Variants in ZC3H3 observed in about 807,000 individuals in gnomAD.
ZC3H3 encodes zinc finger CCCH-type containing 3.
In ZC3H3, 36 loss-of-function variants were observed where a neutral mutation model predicts 77.3. The ratio of observed to expected loss-of-function variants is 0.47; its 90% CI spans 0.36 to 0.61. The LOEUF (loss-of-function observed/expected upper bound fraction) is 0.61. Among genes scored for constraint, ZC3H3 ranks in the 20% least tolerant of loss-of-function variants. The pLI, the probability that ZC3H3 is intolerant of heterozygous loss-of-function variation, is 0.00. For synonymous variants in ZC3H3, 626 were observed against 555.2 expected, an observed-to-expected ratio of 1.13 and a Z score of -1.79; for missense variants, 1,331 against 1,312.2, an observed-to-expected ratio of 1.01 and a Z score of -0.22.
Position 143,541,433 on chromosome 8 carries a change from G to C in ZC3H3, c.-12C>G. The C allele has an allele frequency of 6.2e-7, 1 of 1,611,464 alleles. No individual in the cohort carries two copies. Among genetic ancestry groups the C allele is most frequent in the African/African-American group, 1.3e-5 (1 of 74,790 alleles). The stretch of plus-strand genomic sequence containing the variant: ...TCCTTTTCCTCCATCTCCCGAGTCC[G>C]CGACGGCCGGCCAGGCCCCCACGAC... On this transcript the variant is annotated 5_prime_UTR_variant, in exon 1 of 12. Transcript: ENST00000262577.
chr8:143,457,956 C>A (rs1165948951), intron 9 of ZC3H3, among the ~76,000 whole-genome samples: 2 of 152,008 alleles, frequency 1.3e-5, no homozygotes, highest in African/African-American at 4.8e-5. Flanking sequence ...AAATAAACCA[C>A]AAGTAAGCAG....
At chr8:143,528,325 G>A (rs1424665730) in intron 3 of ZC3H3, among the ~76,000 whole-genome samples, 1 of 152,242 alleles carries the variant, frequency 6.6e-6, no homozygotes, top group Non-Finnish European at 1.5e-5. Flanking sequence ...AGGCGGCACT[G>A]CCGAGGCGCT....
At chr8:143,445,441 C>T (rs944884403) in intron 9 of ZC3H3, among the ~76,000 whole-genome samples, 1 of 123,836 alleles carries the variant, frequency 8.1e-6, no homozygotes, top group Non-Finnish European at 1.7e-5. Context: ...AGGTAGGAGG[C>T]CAGGGCGGGA....
At chr8:143,518,849 C>T (rs1052979712) in intron 3 of ZC3H3, among the ~76,000 whole-genome samples, 4 of 152,256 alleles carry the variant, frequency 2.6e-5, no homozygotes, top group Admixed American at 6.5e-5. Flanking sequence ...CCAACGGGAG[C>T]CACAGGGGCA....
intron 9 of ZC3H3, among the ~76,000 whole-genome samples, chr8:143,444,732 T>A (rs1819825306): frequency 6.6e-6 from 1 of 152,008 alleles, no homozygotes; most frequent in Non-Finnish European, 1.5e-5. Flanking sequence ...AAATACAGGG[T>A]TTCGTAAAAG....
intron 9 of ZC3H3, among the ~76,000 whole-genome samples, chr8:143,451,169 G>A (rs911880855): frequency 2.0e-5 from 3 of 152,228 alleles, no homozygotes; most frequent in Admixed American, 6.5e-5. Flanking sequence ...CACGGGAACA[G>A]GTGCTCCCAG....
chr8:143,509,604 C>T (rs551466978), intron 3 of ZC3H3, among the ~76,000 whole-genome samples: 2 of 152,246 alleles, frequency 1.3e-5, no homozygotes, highest in Non-Finnish European at 1.5e-5. Flanking sequence ...CCTCCCAGGC[C>T]GCCCAATGCC....
chr8:143,520,616 G>A lies in ZC3H3; in HGVS notation c.1562-12717C>T, dbSNP rs187767766. Among the ~76,000 whole-genome samples, 184 of 152,290 alleles carry A rather than the reference G, an allele frequency of 1.2e-3. 1 individual carries two copies. The highest frequency in any genetic ancestry group is 5.8e-3 in the South Asian group (28 of 4,824). ...GCTTCTGGCTGGAGCCAAGTTTTGC[G>A]TCCTCCAATCCTCAGGCAGAGCCCA... On this transcript the variant is annotated intron_variant, in intron 3 of 11. Coordinates refer to ENST00000262577, the MANE Select transcript of ZC3H3 (RefSeq NM_015117.3).
chr8:143,482,421 C>T lies in ZC3H3; in HGVS notation c.1716-6836G>A, dbSNP rs376076800. 1.0e-3 allele frequency among the ~76,000 whole-genome samples: 153 copies of T among 152,318 alleles called. 2 individuals are homozygous for T. The South Asian group carries it at 0.017, about 17-fold the overall frequency. ...GCTCTGTAAATGTGTGTTGCGAGAA[C>T]ACACCCAAGTGTGTGCCACCCTGGG... On this transcript the variant is annotated intron_variant, in intron 4 of 11. Transcript: ENST00000262577.
In ZC3H3 at chr8:143,471,083, C is replaced by T. The variant is rs188825214; in HGVS notation, c.1904-2424G>A. Among the ~76,000 whole-genome samples the T allele has an allele frequency of 1.8e-3, 272 of 152,316 alleles. 2 individuals are homozygous for T. Among genetic ancestry groups the T allele is most frequent in the African/African-American group, 6.0e-3 (249 of 41,574 alleles). On this transcript the variant is annotated intron_variant, in intron 5 of 11. Transcript: ENST00000262577. ...TCCTCAGCACCTCCAGGCCCTGCTC[C>T]GGCCAGCACCCACTGGACAGCTGCT... is the stretch of plus-strand genomic sequence containing the variant.
Position 143,530,172 on chromosome 8 carries a change from G to A in ZC3H3, c.1561+6085C>T, listed in dbSNP as rs893189486. On this transcript the variant is annotated intron_variant, in intron 3 of 11. Coordinates refer to ENST00000262577, the MANE Select transcript of ZC3H3 (RefSeq NM_015117.3). The surrounding 1 kb of genome is among the most constrained non-coding windows in gnomAD (Gnocchi z 4.3). Reference sequence around the variant, plus strand: ...CTCGACCCAGCCTGGTTGTCCACACGAGACCACCACGCAAGCCAGGCCCTT... The same window carrying A: ...CTCGACCCAGCCTGGTTGTCCACACAAGACCACCACGCAAGCCAGGCCCTT... Among the ~76,000 whole-genome samples, 2 of 152,124 alleles carry A rather than the reference G, an allele frequency of 1.3e-5. No individual in the cohort carries two copies. The highest frequency in any genetic ancestry group is 6.5e-5 in the Admixed American group (1 of 15,280).
In ZC3H3 at chr8:143,494,858, G is replaced by T. The variant is rs1055426567; in HGVS notation, c.1715+12888C>A. 6.6e-6 allele frequency among the ~76,000 whole-genome samples: 1 copy of T among 152,190 alleles called. No homozygotes were observed. The highest frequency in any genetic ancestry group is 2.1e-4 in the South Asian group (1 of 4,826). On this transcript the variant is annotated intron_variant, in intron 4 of 11. Transcript: ENST00000262577. The surrounding 1 kb of genome is among the most constrained non-coding windows in gnomAD (Gnocchi z 5.3). ...AACGGCCTGAGCAGACCTTTCACAC[G>T]GGAAGACCACCAGTGGCCTTACGTT...
intron 1 of ZC3H3, among the ~76,000 whole-genome samples, chr8:143,541,167 C>G (rs1332882977): frequency 3.9e-5 from 6 of 152,280 alleles, no homozygotes; most frequent in Middle Eastern, 3.4e-3. Context: ...CCAGCAGGGC[C>G]GGCACCACTC....
intron 9 of ZC3H3, among the ~76,000 whole-genome samples, chr8:143,461,581 G>A (rs1311910202): frequency 6.6e-6 from 1 of 152,100 alleles, no homozygotes; most frequent in African/African-American, 2.4e-5. Flanking sequence ...TATTATTCAC[G>A]ACAGCCCCCA....
rs1335386666 is a variant in ZC3H3, at chr8:143,462,730, ATGCAGGAGGGCCAAGGTG to A, written c.2307+2969_2307+2986del. Among the ~76,000 whole-genome samples, 1 of 152,226 alleles carries A rather than the reference ATGCAGGAGGGCCAAGGTG, an allele frequency of 6.6e-6. No homozygotes were observed. The highest frequency in any genetic ancestry group is 1.5e-5 in the Non-Finnish European group (1 of 68,032). ...GAGGCTCACGGAGCAGGCACTGCAG[ATGCAGGAGGGCCAAGGTG>A]TGCAGGAGCTCTCAATGCAGAGGTG... is the stretch of plus-strand genomic sequence containing the variant. On this transcript the variant is annotated intron_variant, in intron 9 of 11. Transcript: ENST00000262577. This position sits in a 1 kb window ranked among gnomAD's most constrained non-coding sequence, Gnocchi z 4.7.
intron 3 of ZC3H3, among the ~76,000 whole-genome samples, chr8:143,527,359 G>A (rs1383348678): frequency 2.6e-5 from 4 of 152,196 alleles, no homozygotes; most frequent in Admixed American, 1.3e-4. Context: ...GCTGTCCCCA[G>A]TGTGGGGACC....
chr8:143,456,525 TCAAAG>T (rs1254985937), intron 9 of ZC3H3, among the ~76,000 whole-genome samples: 9 of 152,070 alleles, frequency 5.9e-5, no homozygotes, highest in African/African-American at 2.2e-4. Flanking sequence ...AAAGATGACT[TCAAAG>T]CAAAGAAAAT....
chr8:143,501,736 G>A (rs563940516), intron 4 of ZC3H3, among the ~76,000 whole-genome samples: 14 of 146,592 alleles, frequency 9.6e-5, no homozygotes, highest in Non-Finnish European at 1.9e-4. Flanking sequence ...GGGCGCTGGT[G>A]TGACGTTGGG....
At chr8:143,473,392 C>T (rs1437911494) in intron 5 of ZC3H3, among the ~76,000 whole-genome samples, 2 of 152,202 alleles carry the variant, frequency 1.3e-5, no homozygotes, top group Non-Finnish European at 2.9e-5. Context: ...TGCGTATTTA[C>T]ACCTGTGGGC....
Sources: gnomAD v4.1 joint callset for allele counts (sites outside exome capture counted in the v4.1 genomes callset) on GRCh38, gnomAD v4.1.1 for gene constraint, Gnocchi (gnomAD v3.1) non-coding constraint, MANE v1.5 for transcripts, NCBI Gene and HGNC (gene_info 2026-07-23, HGNC 2026-07-21) for gene names.